The following DRC3 variants were observed in gnomAD, a reference collection of about 807,000 sequenced individuals.
The protein encoded by DRC3 is dynein regulatory complex subunit 3.
DRC3 carries 45 observed loss-of-function variants against 57.6 expected under a neutral mutation model. The ratio of observed to expected loss-of-function variants is 0.78; its 90% CI spans 0.62 to 1.00. DRC3 has a LOEUF of 1.00. Among genes scored for constraint, DRC3 ranks in the 50% least tolerant of loss-of-function variants. The pLI, the probability that DRC3 is intolerant of heterozygous loss-of-function variation, is 0.00. For synonymous variants in DRC3, 257 were observed against 272.3 expected, an observed-to-expected ratio of 0.94 and a Z score of 0.55; for missense variants, 655 against 675.2, an observed-to-expected ratio of 0.97 and a Z score of 0.33.
chr17:17,989,971 G>A (rs2043150993), intron 5 of DRC3, among the ~76,000 whole-genome samples: 1 of 152,234 alleles, frequency 6.6e-6, no homozygotes, highest in African/African-American at 2.4e-5. Context: ...GCACTGCAAG[G>A]AAGGGGTGCT....
chr17:18,011,973 C>T (rs924817306), intron 12 of DRC3, among the ~76,000 whole-genome samples: 7 of 152,192 alleles, frequency 4.6e-5, no homozygotes, highest in African/African-American at 1.7e-4. Context: ...CAAGCGCACA[C>T]CACCATGCCT....
chr17:17,984,055 A>G, intron 4 of DRC3, 111 bp downstream of exon 4: 1 of 676,806 alleles, frequency 1.5e-6, no homozygotes, highest in Non-Finnish European at 2.5e-6. Context: ...CTGGCCCATC[A>G]TTAGCCAGGG....
At chr17:18,003,432 C>T (rs969062076) in intron 9 of DRC3, among the ~76,000 whole-genome samples, 3 of 133,618 alleles carry the variant, frequency 2.2e-5, no homozygotes, top group Non-Finnish European at 3.1e-5. Context: ...TTGCAGTGAC[C>T]GAGATCGTAC....
At chr17:18,015,654 C>A in intron 12 of DRC3, 1 of 178,948 alleles carries the variant, frequency 5.6e-6, no homozygotes, top group Non-Finnish European at 1.2e-5. Context: ...AGAGCAGCCT[C>A]GAGACCCTCA....
At position 18,004,495 on chromosome 17, in the gene DRC3, G is replaced by T. The variant is rs1386519111; in HGVS notation, c.1131+1G>T. On this transcript the variant is annotated splice_donor_variant, in intron 10 of 13. Transcript: ENST00000399187. LOFTEE classifies it high-confidence loss of function. ...GATGCAGCTGGTGGAGCAGCTGGAG[G>T]TAAGGCTGGGCCCTGGGCACAAGTG... 1 of 1,609,680 alleles carries T rather than the reference G, an allele frequency of 6.2e-7. No homozygotes were observed. Among genetic ancestry groups the T allele is most frequent in the Non-Finnish European group, 8.5e-7 (1 of 1,178,158 alleles).
At chr17:18,016,297 TGAAG>T in intron 13 of DRC3, 102 bp downstream of exon 13, 6 of 1,261,260 alleles carry the variant, frequency 4.8e-6, no homozygotes, top group Non-Finnish European at 6.8e-6. Context: ...AGGAATGAAA[TGAAG>T]GAAGAAATAA....
chr17:18,007,386 A>G lies in DRC3; in HGVS notation c.1326+239A>G, dbSNP rs764930659. 3.2e-6 allele frequency: 5 copies of G among 1,551,500 alleles called. No homozygotes were observed. In the South Asian group the frequency reaches 4.8e-5, roughly 15 times the overall value. ...AGCTCATGATAATTAGATGGTTTCA[A>G]CTTTCCAACAGGGTCGTTTCCAAAA... On this transcript the variant is annotated intron_variant, in intron 12 of 13. Coordinates refer to ENST00000399187, the MANE Select transcript of DRC3 (RefSeq NM_031294.4).
intron 11 of DRC3, chr17:18,006,772 C>T (rs1345701223): frequency 4.1e-6 from 2 of 483,700 alleles, no homozygotes; most frequent in Non-Finnish European, 7.5e-6. Flanking sequence ...AGCAGTTAAC[C>T]CAGAGGCCAG....
At position 18,003,439 on chromosome 17, in the gene DRC3, G is replaced by A. The variant is rs919699798; in HGVS notation, c.1000-924G>A. Among the ~76,000 whole-genome samples the A allele has an allele frequency of 2.4e-5, 3 of 122,686 alleles. No individual in the cohort carries two copies. In the East Asian group the frequency reaches 8.4e-4, roughly 34 times the overall value. 80.5% of individuals were successfully genotyped at this position (122,686 alleles called of 152,430 possible). On this transcript the variant is annotated intron_variant, in intron 9 of 13. Coordinates refer to ENST00000399187, the MANE Select transcript of DRC3 (RefSeq NM_031294.4). ...GGCAGAGGTTGCAGTGACCGAGATC[G>A]TACCACTGCACTCCAGCCTGGGTGA... is the stretch of plus-strand genomic sequence containing the variant.
rs548132551 is a variant in DRC3, at chr17:17,997,784, C to T, written c.999+150C>T. On this transcript the variant is annotated intron_variant, in intron 9 of 13. Transcript: ENST00000399187. ...TTGTCCCCATTTGCCAGAGATCATA[C>T]AGCTAATCAGTGGCAGAGCCAAGGC... The T allele has an allele frequency of 9.9e-5, 76 of 768,152 alleles. No homozygotes were observed. The Admixed American group carries it at 1.0e-3, about 10-fold the overall frequency. The allele number at this position is 768,152 out of a possible 1,614,324, so 47.6% of individuals were successfully genotyped here. A position where few individuals can be genotyped will look rare whatever the true frequency, so the allele number is the denominator to read the frequency against.
intron 9 of DRC3, among the ~76,000 whole-genome samples, chr17:17,998,314 G>A (rs1354850418): frequency 6.6e-6 from 1 of 152,238 alleles, no homozygotes; most frequent in Non-Finnish European, 1.5e-5. Flanking sequence ...ACTCTGGGTG[G>A]TCAGGACTCA....
intron 6 of DRC3, chr17:17,994,040 A>T: frequency 2.5e-6 from 1 of 407,164 alleles, no homozygotes; most frequent in Non-Finnish European, 4.6e-6. Context: ...TGGCCCCGGG[A>T]ACCCCAGCCT....
At chr17:17,983,971 C>A in intron 4 of DRC3, 27 bp downstream of exon 4, 1 of 1,462,030 alleles carries the variant, frequency 6.8e-7, no homozygotes, top group Non-Finnish European at 9.6e-7. Context: ...TGTGTGTCCA[C>A]CCTAATCGAA....
chr17:17,982,598 G>A (rs973734925), intron 3 of DRC3, among the ~76,000 whole-genome samples: 1 of 59,930 alleles, frequency 1.7e-5, no homozygotes, highest in African/African-American at 6.4e-5. Context: ...TTTTTTTTTT[G>A]AGATGGAGTC....
intron 5 of DRC3, among the ~76,000 whole-genome samples, chr17:17,990,663 G>T (rs2043186076): frequency 6.6e-6 from 1 of 152,186 alleles, no homozygotes. Context: ...GTTCCTTACA[G>T]CACTTAACTC....
chr17:17,986,476 T>C (rs2042964594), intron 4 of DRC3, among the ~76,000 whole-genome samples: 1 of 151,432 alleles, frequency 6.6e-6, no homozygotes, highest in African/African-American at 2.4e-5. Context: ...CTTTTTTTTT[T>C]TTTTTTTTTT....
intron 12 of DRC3, chr17:18,007,458 C>T: frequency 9.7e-6 from 15 of 1,549,662 alleles, no homozygotes; most frequent in Non-Finnish European, 1.3e-5. Flanking sequence ...GAAGCAGTTA[C>T]AGGTAGAGGT....
intron 9 of DRC3, among the ~76,000 whole-genome samples, chr17:17,999,973 T>C (rs2043629070): frequency 6.6e-6 from 1 of 152,160 alleles, no homozygotes; most frequent in African/African-American, 2.4e-5. Context: ...TTCTGTACTT[T>C]GCTTTCGTGT....
chr17:17,996,268 G>T (rs986848757), intron 8 of DRC3, among the ~76,000 whole-genome samples: 1 of 152,050 alleles, frequency 6.6e-6, no homozygotes, highest in African/African-American at 2.4e-5. Flanking sequence ...GATCTGCCTC[G>T]GCCTTCCAAA....
Sources: gnomAD v4.1 joint callset for allele counts (sites outside exome capture counted in the v4.1 genomes callset) on GRCh38, gnomAD v4.1.1 for gene constraint, MANE v1.5 for transcripts, NCBI Gene and HGNC (gene_info 2026-07-23, HGNC 2026-07-21) for gene names.